The following NELFE variants were observed in gnomAD, a reference collection of about 807,000 sequenced individuals.
NELFE encodes the protein negative elongation factor complex member E, also known as negative elongation factor E.
A neutral mutation model predicts 55.5 loss-of-function variants in NELFE; 26 were observed. That is an observed-to-expected ratio of 0.47 (90% CI 0.34 to 0.65). The LOEUF is 0.65. Ranked by LOEUF, NELFE falls within the 30% of genes least tolerant of loss-of-function variation. NELFE has a pLI of 0.01. For synonymous variants in NELFE, 162 were observed against 178.0 expected (o/e 0.91, Z 0.72); for missense variants, 403 against 506.9 (o/e 0.80, Z 1.97).
intron 2 of NELFE, among the ~76,000 whole-genome samples, chr6:31,957,659 G>A (rs1490438844): frequency 1.3e-5 from 2 of 152,234 alleles, no homozygotes; most frequent in East Asian, 3.8e-4. Flanking sequence ...TGGAAGTAGT[G>A]AATAGTTCTA....
Position 31,955,040 on chromosome 6 carries a change from C to T in NELFE, c.404+19G>A. On this transcript the variant is annotated intron_variant, in intron 6 of 10. Transcript: ENST00000375429. ...ATCAACTCCACCAAATGGGCCCAGC[C>T]TTATCTCTACTCTCTAACCTCTCAT... is the stretch of plus-strand genomic sequence containing the variant. 1 of 1,613,304 alleles carries T rather than the reference C, an allele frequency of 6.2e-7. No homozygotes were observed. Among genetic ancestry groups the T allele is most frequent in the South Asian group, 1.1e-5 (1 of 91,086 alleles).
In NELFE at chr6:31,953,784, G is replaced by C. The variant is rs762066262; in HGVS notation, c.990C>G (p.Ala330=). The change falls in exon 10 of 11, where the codon GCC becomes GCG. Residue 330 remains alanine, a synonymous_variant. Transcript: ENST00000375429. The part of the protein sequence containing the change: ...VESVQLKVNI[A]RKQPMLDAAT... ...CGGCATCCAGCATGGGCTGTTTTCG[G>C]GCTATGTTGACTTTGAGCTGTACAG... 7 of 1,613,038 alleles carry C rather than the reference G, an allele frequency of 4.3e-6. No individual in the cohort carries two copies. The South Asian group carries it at 7.7e-5, about 18-fold the overall frequency.
At chr6:31,953,910 A>C in intron 9 of NELFE, 79 bp from the exon 10 acceptor site, 1 of 1,393,794 alleles carries the variant, frequency 7.2e-7, no homozygotes, top group South Asian at 1.2e-5. Context: ...AGGAGTTGCT[A>C]TCCTAGGAGG....
At chr6:31,958,292 A>G in intron 2 of NELFE, 80 bp downstream of exon 2, 4 of 1,367,094 alleles carry the variant, frequency 2.9e-6, no homozygotes, top group Non-Finnish European at 4.2e-6. Flanking sequence ...AAACTTCCCC[A>G]TTCGCTCACA....
In NELFE at chr6:31,958,356, A is replaced by C. The variant is rs764690278; in HGVS notation, c.75+16T>G. The C allele has an allele frequency of 6.2e-7, 1 of 1,611,054 alleles. No homozygotes were observed. Among genetic ancestry groups the C allele is most frequent in the South Asian group, 1.1e-5 (1 of 91,052 alleles). On this transcript the variant is annotated intron_variant, in intron 2 of 10. Transcript: ENST00000375429. The stretch of plus-strand genomic sequence containing the variant: ...GTCTGTGAAAGGTTAGGCCATGTCC[A>C]CACACAGTCCCTCACCTTTTTCTTG...
chr6:31,955,199 C>T lies in NELFE; in HGVS notation c.366+20G>A, dbSNP rs559590204. 1.2e-6 allele frequency: 2 copies of T among 1,611,294 alleles called. No individual in the cohort carries two copies. Among genetic ancestry groups the T allele is most frequent in the South Asian group, 1.1e-5 (1 of 90,926 alleles). On this transcript the variant is annotated intron_variant, in intron 5 of 10. Coordinates refer to ENST00000375429, the MANE Select transcript of NELFE (RefSeq NM_002904.6). ...TCCTCCATCCCCAACCCCTCAGGGA[C>T]AGAAATTAGGAGCCTTTACCTCTTG... is the stretch of plus-strand genomic sequence containing the variant.
chr6:31,955,506 T>C (rs1175072796), intron 4 of NELFE, among the ~76,000 whole-genome samples: 2 of 150,464 alleles, frequency 1.3e-5, no homozygotes, highest in East Asian at 1.9e-4. Flanking sequence ...TGGAGTGCAA[T>C]AGAGCAATCG....
intron 1 of NELFE, 91 bp downstream of exon 1, chr6:31,958,801 C>T (rs1354511958): frequency 1.5e-6 from 1 of 676,648 alleles, no homozygotes. Context: ...GCGGTGGAGC[C>T]AGCGTAGCGC....
Position 31,958,391 on chromosome 6 carries a change from A to G in NELFE, c.56T>C (p.Phe19Ser). The G allele has an allele frequency of 6.2e-7, 1 of 1,613,006 alleles. No individual in the cohort carries two copies. Among genetic ancestry groups the G allele is most frequent in the Non-Finnish European group, 8.5e-7 (1 of 1,180,006 alleles). ...CCTCACCTTTTTCTTGAGCTTGTTG[A>G]ATTTCTTCTGCAGAGCCTCCTCTTC... ...SEEEEALQKK[F>S]NKLKKKKKAL... The change falls in exon 2 of 11, where the codon TTC becomes TCC. Residue 19 changes from phenylalanine to serine, a missense_variant. Phe to Ser is a radical substitution (Grantham distance 155, BLOSUM62 -2). Around this residue, in one of 3 missense-constraint regions of NELFE, gnomAD observed 97 missense variants for 155.3 expected, o/e 0.62. Transcript: ENST00000375429.
At position 31,952,253 on chromosome 6, in the gene NELFE, G is replaced by A; in HGVS notation, c.*48C>T. 1 of 1,520,512 alleles carries A rather than the reference G, an allele frequency of 6.6e-7. No individual in the cohort carries two copies. Among genetic ancestry groups the A allele is most frequent in the Non-Finnish European group, 9.1e-7 (1 of 1,100,106 alleles). The allele number at this position is 1,520,512 out of a possible 1,614,324, so 94.2% of individuals were successfully genotyped here. ...TAAGCTTCCACCTCAGTGTTTTACTGAGACCAGCATTGGGGCATATGAGGC... is the reference window on the plus strand; with the variant it reads ...TAAGCTTCCACCTCAGTGTTTTACTAAGACCAGCATTGGGGCATATGAGGC... On this transcript the variant is annotated 3_prime_UTR_variant, in exon 11 of 11. Transcript: ENST00000375429.
Position 31,958,969 on chromosome 6 carries a change from G to T in NELFE, c.-86C>A. ...CCGCTGATAGCGGGCTCACAACGAT[G>T]ACGTAGCGAGGAGCGGAAAACGCGG... On this transcript the variant is annotated 5_prime_UTR_variant, in exon 1 of 11. Transcript: ENST00000375429. 1 of 604,776 alleles carries T rather than the reference G, an allele frequency of 1.7e-6. No homozygotes were observed. 37.5% of individuals were successfully genotyped at this position (604,776 alleles called of 1,614,324 possible).
chr6:31,958,903 G>A lies in NELFE; in HGVS notation c.-20C>T. Reference sequence around the variant, plus strand: ...GCAGAGGGCCTTACCCGAGGGGGCGGCAACCGGGGGCCCCACGGTCTCCGG... The same window carrying A: ...GCAGAGGGCCTTACCCGAGGGGGCGACAACCGGGGGCCCCACGGTCTCCGG... On this transcript the variant is annotated 5_prime_UTR_variant, in exon 1 of 11. Transcript: ENST00000375429. The A allele has an allele frequency of 1.7e-6, 1 of 593,368 alleles. No individual in the cohort carries two copies. Among genetic ancestry groups the A allele is most frequent in the South Asian group, 2.0e-5 (1 of 49,192 alleles). The allele number at this position is 593,368 out of a possible 1,614,324, so 36.8% of individuals were successfully genotyped here. A position where few individuals can be genotyped will look rare whatever the true frequency, so the allele number is the denominator to read the frequency against.
At chr6:31,957,047 G>A (rs759108591) in intron 2 of NELFE, 37 bp from the exon 3 acceptor site, 3 of 1,565,042 alleles carry the variant, frequency 1.9e-6, no homozygotes, top group Non-Finnish European at 1.7e-6. Flanking sequence ...GTAAGTGAGG[G>A]CCAGCCCCTA....
At chr6:31,958,592 C>T in intron 1 of NELFE, 138 bp from the exon 2 acceptor site, 1 of 754,440 alleles carries the variant, frequency 1.3e-6, no homozygotes, top group Non-Finnish European at 2.4e-6. Flanking sequence ...CTTGCTTAAA[C>T]CAGGCTGCTG....
chr6:31,958,750 G>A, intron 1 of NELFE, 142 bp downstream of exon 1: 1 of 701,878 alleles, frequency 1.4e-6, no homozygotes, highest in Non-Finnish European at 2.6e-6. Context: ...CCCTACCCTC[G>A]CTAGGGTAAG....
chr6:31,955,167 C>A (rs1479996315), intron 5 of NELFE, 52 bp downstream of exon 5: 1 of 1,612,076 alleles, frequency 6.2e-7, no homozygotes, highest in South Asian at 1.1e-5. Context: ...ATATTTGTCT[C>A]TCATATTCCT....
intron 4 of NELFE, among the ~76,000 whole-genome samples, chr6:31,955,828 G>C (rs1312326975): frequency 2.0e-5 from 3 of 151,934 alleles, no homozygotes; most frequent in Non-Finnish European, 4.4e-5. Flanking sequence ...GGAGTGCAGT[G>C]GTGTGATCTC....
chr6:31,958,728 G>A (rs748888478), intron 1 of NELFE, 164 bp downstream of exon 1: 2 of 702,314 alleles, frequency 2.8e-6, no homozygotes, highest in South Asian at 1.5e-5. Context: ...GAAAGACGAT[G>A]GCACCCGACC....
intron 1 of NELFE, 141 bp from the exon 2 acceptor site, chr6:31,958,595 G>A: frequency 1.3e-6 from 1 of 745,662 alleles, no homozygotes; most frequent in Middle Eastern, 2.3e-4. Flanking sequence ...GCTTAAACCA[G>A]GCTGCTGTCC....
Sources: gnomAD v4.1 joint callset for allele counts (sites outside exome capture counted in the v4.1 genomes callset) on GRCh38, gnomAD v4.1.1 for gene constraint, gnomAD v4.1.1 regional missense constraint, MANE v1.5 for transcripts, NCBI Gene and HGNC (gene_info 2026-07-23, HGNC 2026-07-21) for gene names.